The following VCPKMT variants were observed in gnomAD, a reference collection of about 807,000 sequenced individuals.
The protein encoded by VCPKMT is protein N-lysine methyltransferase METTL21D.
In VCPKMT, 32 loss-of-function variants were observed where a neutral mutation model predicts 28.6. The observed-to-expected ratio is 1.12, with a 90% CI of 0.84 to 1.50. The LOEUF is 1.50. VCPKMT is among the 40% of genes most tolerant of loss of function. The pLI, the probability that VCPKMT is intolerant of heterozygous loss-of-function variation, is 0.00. For synonymous variants in VCPKMT, 138 were observed against 111.4 expected, an observed-to-expected ratio of 1.24 and a Z score of -1.50; for missense variants, 366 against 285.0, an observed-to-expected ratio of 1.28 and a Z score of -2.05.
chr14:50,103,989 C>G (rs1882238802), downstream of VCPKMT, among the ~76,000 whole-genome samples: 1 of 152,196 alleles, frequency 6.6e-6, no homozygotes, highest in East Asian at 1.9e-4. Context: ...TTAATCTCCA[C>G]AGCAACCTAT....
downstream of VCPKMT, among the ~76,000 whole-genome samples, chr14:50,104,091 C>T (rs1023985025): frequency 4.6e-5 from 7 of 152,224 alleles, no homozygotes; most frequent in African/African-American, 7.2e-5. Context: ...AGTGGCAGCA[C>T]TGGGATTCAA....
chr14:50,108,602 C>A, downstream of VCPKMT: 1 of 985,774 alleles, frequency 1.0e-6, no homozygotes, highest in Non-Finnish European at 1.2e-6. Context: ...TGTTCACTTT[C>A]TTCAAAGGTA....
At chr14:50,104,602 G>T (rs143355342), downstream of VCPKMT, among the ~76,000 whole-genome samples, 3,316 of 150,840 alleles carry the variant, frequency 0.022, 57 homozygotes, top group South Asian at 0.044. Context: ...AGAAAACCCA[G>T]AAGTCAAATA....
intron 4 of VCPKMT, among the ~76,000 whole-genome samples, chr14:50,113,992 C>T (rs534397770): frequency 6.6e-6 from 1 of 152,274 alleles, no homozygotes; most frequent in South Asian, 2.1e-4. Flanking sequence ...TTGAGATGTT[C>T]CCCAAAGGCA....
downstream of VCPKMT, chr14:50,106,548 A>C (rs1185884303): frequency 2.0e-6 from 2 of 985,170 alleles, no homozygotes; most frequent in African/African-American, 3.5e-5. Context: ...GGCAGAGTGC[A>C]TCTTCAATAC....
intron 5 of VCPKMT, chr14:50,111,860 G>T: frequency 1.0e-6 from 1 of 954,628 alleles, no homozygotes. Context: ...CTGTACTCCA[G>T]CCTGGATGAC....
downstream of VCPKMT, among the ~76,000 whole-genome samples, chr14:50,103,843 CT>C (rs1264687820): frequency 1.3e-5 from 2 of 152,214 alleles, no homozygotes; most frequent in African/African-American, 4.8e-5. Flanking sequence ...AGATTTCACA[CT>C]GCAACAGATA....
downstream of VCPKMT, among the ~76,000 whole-genome samples, chr14:50,108,191 CAAAAAAAA>C (rs11455635): frequency 9.3e-6 from 1 of 107,088 alleles, no homozygotes; most frequent in East Asian, 2.7e-4. Context: ...AACCCTGTCT[CAAAAAAAA>C]AAAAAAAAAA....
downstream of VCPKMT, chr14:50,106,486 ATGTTG>A: frequency 1.1e-6 from 1 of 930,874 alleles, no homozygotes; most frequent in Non-Finnish European, 1.3e-6. Flanking sequence ...CCCCTCCTTC[ATGTTG>A]TTGCAGAAGT....
downstream of VCPKMT, among the ~76,000 whole-genome samples, chr14:50,103,688 CTTTA>C (rs1173226927): frequency 1.3e-5 from 2 of 152,040 alleles, no homozygotes; most frequent in African/African-American, 2.4e-5. Context: ...CCCGTATCTT[CTTTA>C]TTTTTCTAAG....
chr14:50,113,217 T>C (rs1261183597), intron 4 of VCPKMT, among the ~76,000 whole-genome samples: 1 of 152,214 alleles, frequency 6.6e-6, no homozygotes, highest in Non-Finnish European at 1.5e-5. Context: ...AGCTCAGCAC[T>C]TGACTGATAC....
chr14:50,109,551 G>C lies in VCPKMT; in HGVS notation c.*148C>G. ...ATTTTTCGTATTGCAGACAGCCCCT[G>C]GTGGTCATCATCTATACATCGGATC... On this transcript the variant is annotated 3_prime_UTR_variant, in exon 6 of 6. Transcript: ENST00000395860. The C allele has an allele frequency of 7.3e-7, 1 of 1,361,498 alleles. No homozygotes were observed. The highest frequency in any genetic ancestry group is 9.4e-7 in the Non-Finnish European group (1 of 1,059,520). The allele number at this position is 1,361,498 out of a possible 1,614,324, so 84.3% of individuals were successfully genotyped here.
In VCPKMT at chr14:50,109,600, A is replaced by C; in HGVS notation, c.*99T>G. The C allele has an allele frequency of 6.8e-7, 1 of 1,472,698 alleles. No individual in the cohort carries two copies. The highest frequency in any genetic ancestry group is 1.5e-5 in the African/African-American group (1 of 68,856). 91.2% of individuals were successfully genotyped at this position (1,472,698 alleles called of 1,614,324 possible). On this transcript the variant is annotated 3_prime_UTR_variant, in exon 6 of 6. Transcript: ENST00000395860. ...TCTCTAAGGACGTGCCGGAAAAAAA[A>C]ATCTGTGAACACAATCTTCCCATGC...
In VCPKMT at chr14:50,108,998, A is replaced by G. The variant is rs1882457926; in HGVS notation, c.*701T>C. The G allele has an allele frequency of 1.0e-6, 1 of 985,348 alleles. No homozygotes were observed. Among genetic ancestry groups the G allele is most frequent in the Non-Finnish European group, 1.2e-6 (1 of 829,952 alleles). 61.0% of individuals were successfully genotyped at this position (985,348 alleles called of 1,614,324 possible). ...TATTCTCACTCCATGCTCAAATGAA[A>G]AATCTGTAAAGATATCTTTTGTTCC... On this transcript the variant is annotated 3_prime_UTR_variant, in exon 6 of 6. Transcript: ENST00000395860.
chr14:50,110,081 C>G (rs1037272035), intron 5 of VCPKMT, among the ~76,000 whole-genome samples: 1 of 152,052 alleles, frequency 6.6e-6, no homozygotes, highest in Non-Finnish European at 1.5e-5. Context: ...CCAATCTCTA[C>G]TAAAAATACA....
chr14:50,106,765 G>A (rs201236574), downstream of VCPKMT: 1 of 395,270 alleles, frequency 2.5e-6, no homozygotes, highest in East Asian at 1.6e-4. Flanking sequence ...ACCCAGGCTG[G>A]AGTGCAGTGG....
At position 50,114,379 on chromosome 14, in the gene VCPKMT, A is replaced by T. The variant is rs766920272; in HGVS notation, c.476T>A (p.Leu159Gln). The T allele has an allele frequency of 6.4e-7, 1 of 1,568,222 alleles. No homozygotes were observed. Reference sequence around the variant, plus strand: ...AGTTTCAAATCCGCTGATATCTTTTAGAGTTTTCAGCAATGGCTCCAAAGA... The same window carrying T: ...AGTTTCAAATCCGCTGATATCTTTTTGAGTTTTCAGCAATGGCTCCAAAGA... ...EESLEPLLKT[L>Q]KDISGFETCI... The change falls in exon 4 of 6, where the codon CTA (leucine) becomes CAA (glutamine). Residue 159 changes from leucine (L) to glutamine (Q), a missense_variant. Coordinates refer to ENST00000395860, the MANE Select transcript of VCPKMT (RefSeq NM_024558.3).
rs149217439 is a variant in VCPKMT, at chr14:50,116,465, G to A, written c.88C>T (p.Leu30=). The stretch of plus-strand genomic sequence containing the variant: ...ACGCCACCGGAGCTATACTGCTGTA[G>A]TCGTAGCACTGTACCATCCCGCTTC... The part of the protein sequence containing the change: ...LEKRDGTVLR[L]QQYSSGGVGC... The change falls in exon 1 of 6, where the codon CTA becomes TTA. Residue 30 remains leucine (L), a synonymous_variant. Coordinates refer to ENST00000395860, the MANE Select transcript of VCPKMT (RefSeq NM_024558.3). The A allele has an allele frequency of 9.7e-5, 157 of 1,614,054 alleles. No individual in the cohort carries two copies. The highest frequency in any genetic ancestry group is 1.2e-4 in the Non-Finnish European group (147 of 1,179,968).
At chr14:50,105,287 C>T (rs1237173480), downstream of VCPKMT, among the ~76,000 whole-genome samples, 4 of 152,078 alleles carry the variant, frequency 2.6e-5, no homozygotes, top group African/African-American at 9.7e-5. Flanking sequence ...AAAAGATATG[C>T]TGTGTATAAA....
Sources: allele counts gnomAD v4.1 joint callset (sites outside exome capture counted in the v4.1 genomes callset), GRCh38; gene constraint gnomAD v4.1.1; transcripts MANE v1.5; gene names NCBI Gene and HGNC (gene_info 2026-07-23, HGNC 2026-07-21).